CYP19A1: variants seen among roughly 807,000 people sequenced by gnomAD.
The protein encoded by CYP19A1 is aromatase.
In CYP19A1, 32 loss-of-function variants were observed where a neutral mutation model predicts 44.4. The ratio of observed to expected loss-of-function variants is 0.72; its 90% CI spans 0.54 to 0.97. The LOEUF (loss-of-function observed/expected upper bound fraction) is 0.97. CYP19A1 is among the 50% of genes least tolerant of loss of function. CYP19A1 has a pLI of 0.00. For synonymous variants in CYP19A1, 212 were observed against 215.6 expected (o/e 0.98, Z 0.14); for missense variants, 598 against 637.8 (o/e 0.94, Z 0.67).
rs143005540 is a variant in CYP19A1 at position 51,299,409 on chromosome 15, A to G, written c.-39+39086T>C. Among the ~76,000 whole-genome samples, 117 of 152,298 alleles carry G rather than the reference A, an allele frequency of 7.7e-4. 2 individuals carry two copies. Among genetic ancestry groups the G allele is most frequent in the Admixed American group, 5.4e-3 (82 of 15,294 alleles). Reference sequence around the variant, plus strand: ...CCTTGGCCAGTTGCTACCCAGGATCATCCAATAATTTTGACATTTGTCTTT... The same window carrying G: ...CCTTGGCCAGTTGCTACCCAGGATCGTCCAATAATTTTGACATTTGTCTTT... On this transcript the variant is annotated intron_variant, in intron 1 of 9. Transcript: ENST00000396402.
intron 3 of CYP19A1, among the ~76,000 whole-genome samples, chr15:51,229,984 C>A (rs192315327): frequency 1.1e-3 from 162 of 152,266 alleles, no homozygotes; most frequent in Non-Finnish European, 1.1e-3. Context: ...AATAAAGAGC[C>A]AACCTTTAAA....
intron 1 of CYP19A1, among the ~76,000 whole-genome samples, chr15:51,306,808 AAGG>A (rs1305664383): frequency 6.6e-6 from 1 of 152,214 alleles, no homozygotes; most frequent in Admixed American, 6.5e-5. Flanking sequence ...TGGAATTGCT[AAGG>A]AGGAGGGAAA....
At chr15:51,306,281 T>G (rs1365922796) in intron 1 of CYP19A1, among the ~76,000 whole-genome samples, 1 of 152,198 alleles carries the variant, frequency 6.6e-6, no homozygotes, top group Non-Finnish European at 1.5e-5. Context: ...TCCCAGTTCT[T>G]TCAGAATATT....
intron 1 of CYP19A1, among the ~76,000 whole-genome samples, chr15:51,328,847 T>C (rs2036655243): frequency 6.6e-6 from 1 of 152,158 alleles, no homozygotes. Flanking sequence ...AAGGCCTGAA[T>C]AGAGCAAAAA....
chr15:51,332,413 C>A (rs906229771), intron 1 of CYP19A1, among the ~76,000 whole-genome samples: 8 of 152,184 alleles, frequency 5.3e-5, no homozygotes, highest in Admixed American at 2.0e-4. Context: ...TCCTTTAGAA[C>A]TTTTTGTTCC....
intron 5 of CYP19A1, among the ~76,000 whole-genome samples, chr15:51,219,792 C>T (rs1317840569): frequency 1.3e-5 from 2 of 152,232 alleles, no homozygotes; most frequent in African/African-American, 4.8e-5. Context: ...CCTAATGAGG[C>T]AAGGCTAGAG....
At chr15:51,325,836 C>CAAAA (rs61378264) in intron 1 of CYP19A1, among the ~76,000 whole-genome samples, 4 of 57,172 alleles carry the variant, frequency 7.0e-5, no homozygotes, top group Admixed American at 2.7e-4. Context: ...GACTCCGTCT[C>CAAAA]AAAAAAAAAA....
chr15:51,305,057 G>T (rs1345323567), intron 1 of CYP19A1, among the ~76,000 whole-genome samples: 3 of 151,552 alleles, frequency 2.0e-5, no homozygotes, highest in African/African-American at 7.3e-5. Flanking sequence ...CTGCCACCAC[G>T]CCCAGCTAAT....
At chr15:51,296,533 G>A (rs2035998232) in intron 1 of CYP19A1, among the ~76,000 whole-genome samples, 2 of 152,170 alleles carry the variant, frequency 1.3e-5, no homozygotes, top group Non-Finnish European at 2.9e-5. Context: ...TGGGGCCAGT[G>A]TACATCCGCG....
At chr15:51,256,490 G>C (rs2034520439) in intron 1 of CYP19A1, among the ~76,000 whole-genome samples, 1 of 152,204 alleles carries the variant, frequency 6.6e-6, no homozygotes, top group African/African-American at 2.4e-5. Flanking sequence ...GCAGGGGAGA[G>C]GTGGGAGTGG....
intron 1 of CYP19A1, among the ~76,000 whole-genome samples, chr15:51,249,722 A>C (rs376152374): frequency 6.6e-6 from 1 of 152,216 alleles, no homozygotes; most frequent in East Asian, 1.9e-4. Flanking sequence ...GGAGACACAG[A>C]GTATCAGGAC....
At chr15:51,286,697 C>T (rs1373512533) in intron 1 of CYP19A1, among the ~76,000 whole-genome samples, 3 of 152,222 alleles carry the variant, frequency 2.0e-5, no homozygotes, top group Admixed American at 6.5e-5. Context: ...ATTCTACTCT[C>T]ACCCCACTCA....
At chr15:51,211,679 C>A in intron 9 of CYP19A1, 1 of 443,512 alleles carries the variant, frequency 2.3e-6, no homozygotes, top group Non-Finnish European at 4.5e-6. Flanking sequence ...TGTTTCTACA[C>A]CATATGCAAA....
chr15:51,274,002 G>GTC (rs1300215798), intron 1 of CYP19A1, among the ~76,000 whole-genome samples: 1 of 90,762 alleles, frequency 1.1e-5, no homozygotes, highest in South Asian at 3.3e-4. Context: ...GTGAAATTTT[G>GTC]TCACACACAC....
intron 8 of CYP19A1, 23 bp from the exon 9 acceptor site, chr15:51,212,584 C>A: frequency 7.2e-7 from 1 of 1,394,090 alleles, no homozygotes; most frequent in Non-Finnish European, 1.0e-6. Context: ...ATAAAAGGAA[C>A]AAAGAAGGTA....
chr15:51,301,286 G>A (rs1452717453), intron 1 of CYP19A1, among the ~76,000 whole-genome samples: 1 of 152,206 alleles, frequency 6.6e-6, no homozygotes. Flanking sequence ...TTGTTCTCCT[G>A]TATGGCTGTT....
chr15:51,295,685 G>C (rs889320252), intron 1 of CYP19A1, among the ~76,000 whole-genome samples: 1 of 152,214 alleles, frequency 6.6e-6, no homozygotes, highest in African/African-American at 2.4e-5. Flanking sequence ...CAGAAAGACA[G>C]ATGTGGGACA....
intron 1 of CYP19A1, among the ~76,000 whole-genome samples, chr15:51,285,413 C>G (rs185157703): frequency 6.6e-6 from 1 of 152,238 alleles, no homozygotes; most frequent in African/African-American, 2.4e-5. Context: ...AATTTAAAAA[C>G]AAAAAGAGGC....
At chr15:51,316,697 G>A (rs1382376839) in intron 1 of CYP19A1, among the ~76,000 whole-genome samples, 1 of 151,154 alleles carries the variant, frequency 6.6e-6, no homozygotes, top group Non-Finnish European at 1.5e-5. Flanking sequence ...TGGGCAACAT[G>A]GGGAGACCTC....
Sources: gnomAD v4.1 joint callset for allele counts (sites outside exome capture counted in the v4.1 genomes callset) on GRCh38, gnomAD v4.1.1 for gene constraint, MANE v1.5 for transcripts, NCBI Gene and HGNC (gene_info 2026-07-23, HGNC 2026-07-21) for gene names.